Variants in VWC2L observed in about 807,000 individuals in gnomAD.
VWC2L encodes the protein von Willebrand factor C domain containing 2 like.
In VWC2L, 10 loss-of-function variants were observed where a neutral mutation model predicts 21.6. The observed-to-expected ratio is 0.46, with a 90% CI of 0.29 to 0.78. The LOEUF (loss-of-function observed/expected upper bound fraction) is 0.78, where lower values mean the gene tolerates loss of function less well. VWC2L is among the 30% of genes least tolerant of loss of function. The pLI is 0.10. For missense variants in VWC2L, 209 were observed against 277.1 expected (o/e 0.75, Z 1.74); for synonymous variants, 96 against 94.3 (o/e 1.02, Z -0.10).
intron 3 of VWC2L, among the ~76,000 whole-genome samples, chr2:214,441,038 C>G (rs1048593685): frequency 6.6e-6 from 1 of 152,146 alleles, no homozygotes; most frequent in Non-Finnish European, 1.5e-5. Flanking sequence ...TTCCTTTCAA[C>G]TAAATTAAAG....
At chr2:214,445,193 T>C (rs1484409979) in intron 3 of VWC2L, among the ~76,000 whole-genome samples, 1 of 151,822 alleles carries the variant, frequency 6.6e-6, no homozygotes, top group Non-Finnish European at 1.5e-5. Flanking sequence ...CTCTGAAGGG[T>C]AGTAAAAATG....
intron 3 of VWC2L, among the ~76,000 whole-genome samples, chr2:214,562,437 A>G (rs1689991419): frequency 6.6e-6 from 1 of 152,234 alleles, no homozygotes; most frequent in African/African-American, 2.4e-5. Flanking sequence ...TATCGTGAAT[A>G]GTGCTGCAAT....
intron 2 of VWC2L, among the ~76,000 whole-genome samples, chr2:214,426,928 G>A (rs1574558619): frequency 6.6e-6 from 1 of 152,042 alleles, no homozygotes; most frequent in Admixed American, 6.6e-5. Context: ...GGGCTTGACT[G>A]GTTTCATTTT....
chr2:214,434,325 G>A (rs1331664286), intron 2 of VWC2L, among the ~76,000 whole-genome samples: 1 of 152,074 alleles, frequency 6.6e-6, no homozygotes, highest in Non-Finnish European at 1.5e-5. Flanking sequence ...TGAAGATGTC[G>A]AGGTCTCCAA....
At chr2:214,557,009 C>G (rs1327767854) in intron 3 of VWC2L, among the ~76,000 whole-genome samples, 1 of 152,150 alleles carries the variant, frequency 6.6e-6, no homozygotes, top group Non-Finnish European at 1.5e-5. Flanking sequence ...TTACTGTTCC[C>G]TGTTCACAGA....
intron 3 of VWC2L, among the ~76,000 whole-genome samples, chr2:214,554,429 C>T (rs558622355): frequency 4.6e-5 from 7 of 152,134 alleles, no homozygotes; most frequent in South Asian, 2.1e-4. Flanking sequence ...CTTTGGGGGC[C>T]GAGGCGGGTG....
At chr2:214,466,550 A>C (rs1328768961) in intron 3 of VWC2L, among the ~76,000 whole-genome samples, 1 of 152,184 alleles carries the variant, frequency 6.6e-6, no homozygotes, top group Non-Finnish European at 1.5e-5. Flanking sequence ...TATTTTTTAA[A>C]AAGGTTGTCT....
chr2:214,457,107 T>C (rs2126187081), intron 3 of VWC2L, among the ~76,000 whole-genome samples: 1 of 152,136 alleles, frequency 6.6e-6, no homozygotes, highest in Non-Finnish European at 1.5e-5. Flanking sequence ...GTGAAAAATG[T>C]TATTTGTATT....
At chr2:214,450,520 T>C (rs947377628) in intron 3 of VWC2L, among the ~76,000 whole-genome samples, 1 of 152,192 alleles carries the variant, frequency 6.6e-6, no homozygotes, top group African/African-American at 2.4e-5. Context: ...ATTAAACACA[T>C]CAGTTTAGTT....
At chr2:214,569,376 C>T (rs1180871629) in intron 3 of VWC2L, among the ~76,000 whole-genome samples, 6 of 152,114 alleles carry the variant, frequency 3.9e-5, no homozygotes, top group Non-Finnish European at 7.4e-5. Flanking sequence ...CCTTCAGTGA[C>T]TTCCCAATGC....
In VWC2L at chr2:214,456,431, T is replaced by G. The variant is rs558079070; in HGVS notation, c.520+19673T>G. 4.6e-5 allele frequency among the ~76,000 whole-genome samples: 7 copies of G among 152,112 alleles called. 1 individual carries two copies. The highest frequency in any genetic ancestry group is 1.7e-4 in the African/African-American group (7 of 41,556). On this transcript the variant is annotated intron_variant, in intron 3 of 3. Coordinates refer to ENST00000312504, the MANE Select transcript of VWC2L (RefSeq NM_001080500.4). ...TTTTTGTTTGGGGGTTTTTGTTTTGTTTTTTGCTGTTGAGTCCCTTGTATA... is the reference window on the plus strand; with the variant it reads ...TTTTTGTTTGGGGGTTTTTGTTTTGGTTTTTGCTGTTGAGTCCCTTGTATA...
At chr2:214,494,674 A>C (rs1287247243) in intron 3 of VWC2L, among the ~76,000 whole-genome samples, 2 of 152,200 alleles carry the variant, frequency 1.3e-5, no homozygotes, top group African/African-American at 4.8e-5. Context: ...CAGAAATTAA[A>C]GTTTATCAGA....
intron 3 of VWC2L, among the ~76,000 whole-genome samples, chr2:214,516,693 T>C (rs1477553498): frequency 1.3e-5 from 2 of 151,000 alleles, no homozygotes; most frequent in East Asian, 1.9e-4. Flanking sequence ...AAGAAATGTA[T>C]ATAAAGCTAG....
chr2:214,495,822 CCT>C (rs1308532987), intron 3 of VWC2L, among the ~76,000 whole-genome samples: 1 of 152,110 alleles, frequency 6.6e-6, no homozygotes, highest in Non-Finnish European at 1.5e-5. Flanking sequence ...GGAAGCATAA[CCT>C]CTTTCTGAAA....
chr2:214,418,549 C>T (rs142293501), intron 2 of VWC2L, among the ~76,000 whole-genome samples: 4 of 152,276 alleles, frequency 2.6e-5, no homozygotes, highest in East Asian at 3.9e-4. Context: ...TGAAACCACT[C>T]GTCTCTTCCA....
intron 2 of VWC2L, among the ~76,000 whole-genome samples, chr2:214,426,171 CAAAAAAAAAAAAA>C (rs34411661): frequency 1.4e-5 from 1 of 69,956 alleles, no homozygotes; most frequent in African/African-American, 4.6e-5. Context: ...GGCTTCGTCT[CAAAAAAAAAAAAA>C]AAAAAAAAAA....
intron 2 of VWC2L, among the ~76,000 whole-genome samples, chr2:214,435,908 T>C (rs1702671793): frequency 6.6e-6 from 1 of 152,158 alleles, no homozygotes; most frequent in South Asian, 2.1e-4. Context: ...AAGACAAATG[T>C]TCTTTTCTGA....
intron 3 of VWC2L, among the ~76,000 whole-genome samples, chr2:214,497,066 A>C (rs1688823032): frequency 1.3e-5 from 2 of 152,224 alleles, no homozygotes; most frequent in Non-Finnish European, 2.9e-5. Context: ...CCAATTAAAA[A>C]GCAAATCCTA....
intron 3 of VWC2L, among the ~76,000 whole-genome samples, chr2:214,487,804 T>A (rs571680470): frequency 2.0e-5 from 3 of 152,300 alleles, no homozygotes; most frequent in African/African-American, 4.8e-5. Context: ...TAGGTCATGA[T>A]GTTTTTTGGT....
Sources: gnomAD v4.1 joint callset for allele counts (sites outside exome capture counted in the v4.1 genomes callset) on GRCh38, gnomAD v4.1.1 for gene constraint, MANE v1.5 for transcripts, NCBI Gene and HGNC (gene_info 2026-07-23, HGNC 2026-07-21) for gene names.